Variants in BCAR3 observed in about 807,000 individuals in gnomAD.
The protein encoded by BCAR3 is BCAR3 adaptor protein, NSP family member.
In BCAR3, 37 loss-of-function variants were observed where a neutral mutation model predicts 80.1. The observed-to-expected ratio is 0.46, with a 90% CI of 0.36 to 0.61. The LOEUF is 0.61. BCAR3 is among the 20% of genes least tolerant of loss of function. The pLI, the probability that BCAR3 is intolerant of heterozygous loss-of-function variation, is 0.00. For missense variants in BCAR3, 978 were observed against 1,068.2 expected (o/e 0.92, Z 1.18); for synonymous variants, 389 against 418.9 (o/e 0.93, Z 0.87).
At chr1:93,652,485 T>G (rs1456393331) in intron 2 of BCAR3, among the ~76,000 whole-genome samples, 1 of 152,184 alleles carries the variant, frequency 6.6e-6, no homozygotes, top group Non-Finnish European at 1.5e-5. Flanking sequence ...ACATCACAGT[T>G]GGCCCTATAG....
chr1:93,807,715 T>C (rs1653702487), intron 2 of BCAR3, among the ~76,000 whole-genome samples: 1 of 152,196 alleles, frequency 6.6e-6, no homozygotes, highest in Non-Finnish European at 1.5e-5. Flanking sequence ...TTAAGACAAC[T>C]GCACTTCTTT....
chr1:93,758,575 C>T (rs576233471), intron 2 of BCAR3, among the ~76,000 whole-genome samples: 1 of 152,328 alleles, frequency 6.6e-6, no homozygotes, highest in East Asian at 1.9e-4. Flanking sequence ...GTGATTACAA[C>T]CTTACTCTGC....
intron 2 of BCAR3, among the ~76,000 whole-genome samples, chr1:93,845,022 G>A (rs1655098392): frequency 6.6e-6 from 1 of 151,966 alleles, no homozygotes; most frequent in Non-Finnish European, 1.5e-5. Context: ...TTCATCTAGT[G>A]GAATAAAATA....
intron 7 of BCAR3, 131 bp downstream of exon 7, chr1:93,582,170 A>T: frequency 1.7e-6 from 2 of 1,195,650 alleles, no homozygotes; most frequent in Non-Finnish European, 2.3e-6. Flanking sequence ...CAAAGCATTT[A>T]ATGGGTGAGG....
At chr1:93,704,354 G>A (rs182962867) in intron 3 of BCAR3, among the ~76,000 whole-genome samples, 69 of 152,236 alleles carry the variant, frequency 4.5e-4, no homozygotes, top group Admixed American at 3.2e-3. Flanking sequence ...AAGTAGAGAC[G>A]ATGAGGTCAA....
intron 2 of BCAR3, among the ~76,000 whole-genome samples, chr1:93,745,897 A>G (rs1651341677): frequency 6.6e-6 from 1 of 152,166 alleles, no homozygotes; most frequent in Non-Finnish European, 1.5e-5. Context: ...TAAAAACAAA[A>G]CCAAAAATAT....
intron 2 of BCAR3, among the ~76,000 whole-genome samples, chr1:93,833,943 T>C (rs149184683): frequency 6.6e-6 from 1 of 152,136 alleles, no homozygotes; most frequent in African/African-American, 2.4e-5. Context: ...GTCCATGAAA[T>C]CTTCAAAATT....
chr1:93,597,363 T>C (rs1382889658), intron 3 of BCAR3, among the ~76,000 whole-genome samples: 2 of 152,200 alleles, frequency 1.3e-5, no homozygotes, highest in Non-Finnish European at 2.9e-5. Flanking sequence ...GTTACTATAA[T>C]TGATGCTTTT....
chr1:93,613,837 C>T, intron 3 of BCAR3: 2 of 1,550,364 alleles, frequency 1.3e-6, no homozygotes, highest in Non-Finnish European at 1.7e-6. Context: ...TATTTCCAAA[C>T]CAAACCTACC....
At chr1:93,675,482 T>C (rs1648428542) in intron 1 of BCAR3, among the ~76,000 whole-genome samples, 2 of 152,164 alleles carry the variant, frequency 1.3e-5, no homozygotes, top group South Asian at 4.1e-4. Context: ...GCACTCTAAT[T>C]AGTGAACACG....
chr1:93,656,433 T>C (rs1433542020), intron 2 of BCAR3, among the ~76,000 whole-genome samples: 2 of 152,130 alleles, frequency 1.3e-5, no homozygotes, highest in Non-Finnish European at 2.9e-5. Flanking sequence ...TTATTTAACC[T>C]AGCCATTGGG....
At chr1:93,612,446 G>A (rs1259743047) in intron 3 of BCAR3, among the ~76,000 whole-genome samples, 4 of 152,060 alleles carry the variant, frequency 2.6e-5, no homozygotes, top group Non-Finnish European at 5.9e-5. Context: ...CCTTGGGGCC[G>A]TAACTGCAGA....
At chr1:93,707,693 T>G (rs1344100283) in intron 2 of BCAR3, among the ~76,000 whole-genome samples, 1 of 152,038 alleles carries the variant, frequency 6.6e-6, no homozygotes, top group Non-Finnish European at 1.5e-5. Context: ...GGTGATAGAG[T>G]GAGACTCAGT....
intron 2 of BCAR3, among the ~76,000 whole-genome samples, chr1:93,646,784 GAATA>G (rs1263014078): frequency 3.3e-5 from 5 of 152,046 alleles, no homozygotes; most frequent in Non-Finnish European, 5.9e-5. Context: ...TGAGTTATTG[GAATA>G]AATAACCTTA....
intron 3 of BCAR3, among the ~76,000 whole-genome samples, chr1:93,610,413 C>A (rs1674912929): frequency 6.6e-6 from 1 of 152,248 alleles, no homozygotes; most frequent in Admixed American, 6.5e-5. Flanking sequence ...CCATTCTTTT[C>A]TTTGTCCATC....
chr1:93,728,493 T>C (rs1410367135), intron 2 of BCAR3, among the ~76,000 whole-genome samples: 1 of 152,240 alleles, frequency 6.6e-6, no homozygotes, highest in Non-Finnish European at 1.5e-5. Context: ...CCTGGGTTCT[T>C]GCCTTGGTGT....
At chr1:93,668,913 T>C (rs973450026) in intron 2 of BCAR3, among the ~76,000 whole-genome samples, 5 of 152,116 alleles carry the variant, frequency 3.3e-5, no homozygotes, top group African/African-American at 7.2e-5. Flanking sequence ...GGTTTCACCA[T>C]GTTGGCCAGG....
In BCAR3 at chr1:93,756,276, C is replaced by T. The variant is rs567046482; in HGVS notation, c.-62-50134G>A. 2.6e-5 allele frequency among the ~76,000 whole-genome samples: 4 copies of T among 152,232 alleles called. No individual in the cohort carries two copies. In the South Asian group the frequency reaches 8.3e-4, roughly 32 times the overall value. On this transcript the variant is annotated intron_variant, in intron 2 of 13. Coordinates refer to the BCAR3 transcript ENST00000370244. ...CCTTCTCTTAGAAAACAATGGTTGG[C>T]CCAGGGTCACCCAAAGGCTGTTATT...
At chr1:93,583,334 C>T (rs192320340) in intron 6 of BCAR3, among the ~76,000 whole-genome samples, 100 of 152,238 alleles carry the variant, frequency 6.6e-4, no homozygotes, top group Admixed American at 2.0e-4. Context: ...ACCTAAAATG[C>T]CACTCTCAAA....
Sources: gnomAD v4.1 joint callset for allele counts (sites outside exome capture counted in the v4.1 genomes callset) on GRCh38, gnomAD v4.1.1 for gene constraint, MANE v1.5 for transcripts, NCBI Gene and HGNC (gene_info 2026-07-23, HGNC 2026-07-21) for gene names.